DTNBP1: variants seen among roughly 807,000 people sequenced by gnomAD.
DTNBP1 encodes dystrobrevin binding protein 1, also known as dysbindin.
A neutral mutation model predicts 42.8 loss-of-function variants in DTNBP1; 35 were observed. That is an observed-to-expected ratio of 0.82 (90% CI 0.63 to 1.09). The LOEUF is 1.09. Among genes scored for constraint, DTNBP1 ranks in the 50% least tolerant of loss-of-function variants. The probability of loss-of-function intolerance (pLI) is 0.00; values close to 1 mark genes in which losing one functional copy is unlikely to be tolerated. For synonymous variants in DTNBP1, 171 were observed against 162.2 expected (o/e 1.05, Z -0.41); for missense variants, 457 against 424.2 (o/e 1.08, Z -0.68).
chr6:15,547,933 T>C (rs781720674), intron 7 of DTNBP1, among the ~76,000 whole-genome samples: 15 of 152,140 alleles, frequency 9.9e-5, no homozygotes, highest in East Asian at 5.8e-4. Flanking sequence ...TCAAAGCTAA[T>C]AGACAAAACT....
Position 15,660,412 on chromosome 6 carries a change from G to T in DTNBP1, c.56+2402C>A, listed in dbSNP as rs981295728. 3 of 1,289,670 alleles carry T rather than the reference G, an allele frequency of 2.3e-6. No individual in the cohort carries two copies. The Admixed American group carries it at 6.9e-5, about 30-fold the overall frequency. The allele number at this position is 1,289,670 out of a possible 1,614,324, so 79.9% of individuals were successfully genotyped here. On this transcript the variant is annotated intron_variant, in intron 1 of 9. Coordinates refer to ENST00000344537, the MANE Select transcript of DTNBP1 (RefSeq NM_032122.5). ...AGAAAGTGAACATCAGGCACTAGAG[G>T]TCCGGGTCTACTGGGAGACTGACAT...
intron 6 of DTNBP1, among the ~76,000 whole-genome samples, chr6:15,607,613 T>C (rs1014636533): frequency 1.3e-5 from 2 of 152,198 alleles, no homozygotes; most frequent in African/African-American, 4.8e-5. Flanking sequence ...AACATTTCTT[T>C]ACCACAGGAA....
At chr6:15,553,009 T>C (rs1168588350) in intron 7 of DTNBP1, among the ~76,000 whole-genome samples, 1 of 152,132 alleles carries the variant, frequency 6.6e-6, no homozygotes, top group Non-Finnish European at 1.5e-5. Flanking sequence ...GCTCAAACAA[T>C]CATTTTATTT....
At chr6:15,564,331 C>T (rs1774971019) in intron 7 of DTNBP1, among the ~76,000 whole-genome samples, 1 of 150,046 alleles carries the variant, frequency 6.7e-6, no homozygotes, top group African/African-American at 2.5e-5. Flanking sequence ...AGAACTTACA[C>T]AAAATAAATT....
At position 15,533,295 on chromosome 6, in the gene DTNBP1, C is replaced by A; in HGVS notation, c.612G>T (p.Gln204His). The change falls in exon 8 of 10, where the codon CAG becomes CAT. Residue 204 changes from glutamine to histidine, a missense_variant. By Grantham distance (24) the Gln-to-His change is conservative. Coordinates refer to ENST00000344537, the MANE Select transcript of DTNBP1 (RefSeq NM_032122.5). ...ERQKFFEEAF[Q>H]QDMEQYLSTG... ...TGGACAGGTACTGCTCCATGTCCTG[C>A]TGGAAGGCTTCCTCAAAAAACTTCT... is the stretch of plus-strand genomic sequence containing the variant. 6.2e-7 allele frequency: 1 copy of A among 1,614,192 alleles called. No homozygotes were observed. Among genetic ancestry groups the A allele is most frequent in the Non-Finnish European group, 8.5e-7 (1 of 1,180,042 alleles).
At chr6:15,569,389 C>CA (rs1775243908) in intron 7 of DTNBP1, among the ~76,000 whole-genome samples, 1 of 123,956 alleles carries the variant, frequency 8.1e-6, no homozygotes, top group African/African-American at 3.1e-5. Context: ...ACGAAATCAG[C>CA]GTGAGAATGC....
In DTNBP1 at chr6:15,529,715, T is replaced by C. The variant is rs760529371; in HGVS notation, c.667+3525A>G. On this transcript the variant is annotated intron_variant, in intron 8 of 9. Coordinates refer to ENST00000344537, the MANE Select transcript of DTNBP1 (RefSeq NM_032122.5). ...GGCACAGACCAGGACATCTCCGAGG[T>C]GATTTATTAATAAGTAACTGCAGGA... Among the ~76,000 whole-genome samples, 64 of 152,256 alleles carry C rather than the reference T, an allele frequency of 4.2e-4. 1 individual carries two copies. Among genetic ancestry groups the C allele is most frequent in the Non-Finnish European group, 8.8e-5 (6 of 68,038 alleles).
chr6:15,561,557 T>TCATC (rs1045290794), intron 7 of DTNBP1, among the ~76,000 whole-genome samples: 8 of 152,192 alleles, frequency 5.3e-5, no homozygotes, highest in African/African-American at 1.9e-4. Flanking sequence ...GGCGGGAATA[T>TCATC]CATCACCCCA....
intron 8 of DTNBP1, among the ~76,000 whole-genome samples, chr6:15,530,329 G>C (rs1397602730): frequency 6.6e-6 from 1 of 152,110 alleles, no homozygotes; most frequent in Non-Finnish European, 1.5e-5. Context: ...TCTAGCTCAA[G>C]AGAAAGCTAA....
At chr6:15,531,898 C>T (rs1357795867) in intron 8 of DTNBP1, among the ~76,000 whole-genome samples, 2 of 152,248 alleles carry the variant, frequency 1.3e-5, no homozygotes, top group African/African-American at 4.8e-5. Flanking sequence ...TCCCAAAGTG[C>T]TGGGATTATA....
At chr6:15,641,134 T>C (rs1192845330) in intron 3 of DTNBP1, among the ~76,000 whole-genome samples, 4 of 152,212 alleles carry the variant, frequency 2.6e-5, no homozygotes, top group African/African-American at 7.2e-5. Context: ...TTTGTTCCCC[T>C]TTCCCTCTTG....
intron 7 of DTNBP1, among the ~76,000 whole-genome samples, chr6:15,558,469 G>A (rs1774651736): frequency 6.6e-6 from 1 of 152,144 alleles, no homozygotes; most frequent in Admixed American, 6.5e-5. Context: ...GTTTCAGCAT[G>A]TTGGCCAGAC....
At chr6:15,657,610 T>C (rs1193403338) in intron 1 of DTNBP1, among the ~76,000 whole-genome samples, 1 of 152,208 alleles carries the variant, frequency 6.6e-6, no homozygotes, top group African/African-American at 2.4e-5. Flanking sequence ...GTAGGCCATC[T>C]TCTCCTTAGC....
chr6:15,600,910 T>C (rs867402567), intron 6 of DTNBP1, among the ~76,000 whole-genome samples: 5 of 152,272 alleles, frequency 3.3e-5, no homozygotes, highest in Middle Eastern at 3.4e-3. Flanking sequence ...AAGAGAGACC[T>C]GCACTGAATA....
intron 3 of DTNBP1, among the ~76,000 whole-genome samples, 177 bp downstream of exon 3, chr6:15,651,136 T>A (rs1760969717): frequency 6.6e-6 from 1 of 152,230 alleles, no homozygotes; most frequent in Non-Finnish European, 1.5e-5. Context: ...GAATGGACTT[T>A]GTACTAATGA....
chr6:15,626,750 T>TTTG (rs958318566), intron 5 of DTNBP1, among the ~76,000 whole-genome samples: 19 of 152,214 alleles, frequency 1.2e-4, no homozygotes, highest in African/African-American at 3.9e-4. Flanking sequence ...CCTAATTTAC[T>TTTG]TTGTTGTTGT....
chr6:15,662,552 C>T (rs59686948), intron 1 of DTNBP1, among the ~76,000 whole-genome samples: 44 of 152,280 alleles, frequency 2.9e-4, no homozygotes, highest in African/African-American at 8.2e-4. Context: ...CCACACCCCC[C>T]CCGGGCGCTC....
At position 15,651,351 on chromosome 6, in the gene DTNBP1, A is replaced by T. The variant is rs1401339961; in HGVS notation, c.123T>A (p.Phe41Leu). The T allele has an allele frequency of 1.9e-6, 3 of 1,612,076 alleles. No individual in the cohort carries two copies. The highest frequency in any genetic ancestry group is 2.5e-6 in the Non-Finnish European group (3 of 1,179,770). Residue 41 changes from phenylalanine (F) to leucine (L), a missense_variant, in exon 3 of 10, where the codon TTT becomes TTA. By Grantham distance (22) the Phe-to-Leu change is conservative. Coordinates refer to ENST00000344537, the MANE Select transcript of DTNBP1 (RefSeq NM_032122.5). ...CTAATCCAGCAGAGTACTTTGGCAAAAATGGAACAGTCCTGCCCAAAAGAA... is the reference window on the plus strand; with the variant it reads ...CTAATCCAGCAGAGTACTTTGGCAATAATGGAACAGTCCTGCCCAAAAGAA... Reference protein sequence around the residue: ...KVKSKPRTVPFLPKYSAGLEL... With the variant: ...KVKSKPRTVPLLPKYSAGLEL...
chr6:15,605,393 G>A (rs561422808), intron 6 of DTNBP1, among the ~76,000 whole-genome samples: 1 of 152,124 alleles, frequency 6.6e-6, no homozygotes, highest in South Asian at 2.1e-4. Context: ...GAGCTATACA[G>A]TCCTAGATCC....
Sources: gnomAD v4.1 joint callset for allele counts (sites outside exome capture counted in the v4.1 genomes callset) on GRCh38, gnomAD v4.1.1 for gene constraint, MANE v1.5 for transcripts, NCBI Gene and HGNC (gene_info 2026-07-23, HGNC 2026-07-21) for gene names.